Variants in ARHGAP29 observed in about 807,000 individuals in gnomAD.
ARHGAP29 encodes the protein rho GTPase-activating protein 29.
In ARHGAP29, 43 loss-of-function variants were observed where a neutral mutation model predicts 122.6. The observed-to-expected ratio is 0.35, with a 90% CI of 0.27 to 0.45. ARHGAP29 has a LOEUF of 0.45. ARHGAP29 is among the 20% of genes least tolerant of loss of function. ARHGAP29 has a pLI of 1.00. For missense variants in ARHGAP29, 1,303 were observed against 1,477.2 expected, an observed-to-expected ratio of 0.88 and a Z score of 1.93; for synonymous variants, 506 against 497.1, an observed-to-expected ratio of 1.02 and a Z score of -0.24.
At chr1:94,267,302 GT>G (rs938744428) in intron 1 of ARHGAP29, among the ~76,000 whole-genome samples, 2 of 152,182 alleles carry the variant, frequency 1.3e-5, no homozygotes, top group African/African-American at 4.8e-5. Flanking sequence ...GTGGTCTATA[GT>G]TTTGGTTTCC....
chr1:94,179,646 T>A, intron 20 of ARHGAP29, 79 bp downstream of exon 20: 1 of 929,580 alleles, frequency 1.1e-6, no homozygotes, highest in East Asian at 2.7e-5. Flanking sequence ...AATTTTGTTA[T>A]GTGGATTTTA....
chr1:94,226,002 C>T (rs1652589731), intron 2 of ARHGAP29, among the ~76,000 whole-genome samples: 1 of 151,762 alleles, frequency 6.6e-6, no homozygotes, highest in Admixed American at 6.6e-5. Flanking sequence ...TTTTTGTTCT[C>T]ATGCATTAAC....
At chr1:94,289,808 A>T in the ARHGAP29 span, among the ~76,000 whole-genome samples, 1 of 152,202 alleles carries the variant, frequency 6.6e-6, no homozygotes. Context: ...TGATTTGCCT[A>T]TGTTGAACCA....
At chr1:94,307,845 G>C in the ARHGAP29 span, among the ~76,000 whole-genome samples, 1 of 152,052 alleles carries the variant, frequency 6.6e-6, no homozygotes, top group African/African-American at 2.4e-5. Flanking sequence ...CATATAAGAG[G>C]GTAGTTATAA....
chr1:94,204,913 T>A (rs1373564438), intron 7 of ARHGAP29, 148 bp downstream of exon 7: 7 of 757,468 alleles, frequency 9.2e-6, no homozygotes, highest in African/African-American at 1.8e-5. Flanking sequence ...CCATCTAGTG[T>A]AAGAAGAGTC....
intron 1 of ARHGAP29, among the ~76,000 whole-genome samples, chr1:94,264,443 C>A (rs1183354442): frequency 6.6e-6 from 1 of 152,140 alleles, no homozygotes; most frequent in African/African-American, 2.4e-5. Flanking sequence ...TGGAAATGGT[C>A]TTTGGCTCAC....
In ARHGAP29 at chr1:94,189,362, C is replaced by T. The variant is rs772756842; in HGVS notation, c.1440-10G>A. The stretch of plus-strand genomic sequence containing the variant: ...ATGTTTATTTACATTTCTGAAACAA[C>T]AACAATGACAAAAAACAAAACTCAA... On this transcript the variant is annotated splice_polypyrimidine_tract_variant and intron_variant, in intron 13 of 22. Coordinates refer to ENST00000260526, the MANE Select transcript of ARHGAP29 (RefSeq NM_004815.4). 6.3e-7 allele frequency: 1 copy of T among 1,597,256 alleles called. No individual in the cohort carries two copies. The highest frequency in any genetic ancestry group is 8.5e-7 in the Non-Finnish European group (1 of 1,173,770).
At chr1:94,191,154 A>G (rs534192937) in intron 12 of ARHGAP29, 23 of 152,326 alleles carry the variant, frequency 1.5e-4, no homozygotes, top group African/African-American at 5.5e-4. Context: ...AAAAAGAAGT[A>G]GTCATCTGAA....
chr1:94,204,122 A>C, intron 7 of ARHGAP29, 128 bp from the exon 8 acceptor site: 1 of 555,422 alleles, frequency 1.8e-6, no homozygotes. Flanking sequence ...TCAAGATATA[A>C]TACAGCAATA....
chr1:94,231,998 T>C (rs1434003210), intron 1 of ARHGAP29, among the ~76,000 whole-genome samples: 1 of 152,142 alleles, frequency 6.6e-6, no homozygotes. Flanking sequence ...CCAAAATCCA[T>C]GCTCTTAATA....
In ARHGAP29 at chr1:94,172,562, A is replaced by G. The variant is rs1648803858; in HGVS notation, c.*1307T>C. 1 of 151,574 alleles carries G rather than the reference A, an allele frequency of 6.6e-6. No homozygotes were observed. The highest frequency in any genetic ancestry group is 1.5e-5 in the Non-Finnish European group (1 of 67,896). The allele number at this position is 151,574 out of a possible 1,614,324, so 9.4% of individuals were successfully genotyped here. On this transcript the variant is annotated 3_prime_UTR_variant, in exon 23 of 23. Coordinates refer to ENST00000260526, the MANE Select transcript of ARHGAP29 (RefSeq NM_004815.4). The stretch of plus-strand genomic sequence containing the variant: ...TAACCTTAAACTCTCATACTGTAAT[A>G]GGCAACAACTGAAAAGAAGCCACGG...
chr1:94,240,766 C>A (rs962089044), upstream of ARHGAP29, among the ~76,000 whole-genome samples: 3 of 152,134 alleles, frequency 2.0e-5, no homozygotes, highest in Non-Finnish European at 4.4e-5. Context: ...TTCGGTGCAG[C>A]CTTAACTTTT....
At chr1:94,185,105 T>C in intron 17 of ARHGAP29, 45 bp from the exon 18 acceptor site, 1 of 1,541,542 alleles carries the variant, frequency 6.5e-7, no homozygotes, top group Non-Finnish European at 8.8e-7. Context: ...TTAAAACTAT[T>C]CACAACTGGG....
intron 12 of ARHGAP29, among the ~76,000 whole-genome samples, chr1:94,198,268 G>C (rs1650596853): frequency 6.6e-6 from 1 of 152,052 alleles, no homozygotes; most frequent in South Asian, 2.1e-4. Context: ...TTGAGCCCAG[G>C]AATTCAACAC....
At chr1:94,223,627 A>ATG (rs1342675979) in intron 2 of ARHGAP29, among the ~76,000 whole-genome samples, 1 of 152,078 alleles carries the variant, frequency 6.6e-6, no homozygotes, top group Non-Finnish European at 1.5e-5. Flanking sequence ...ATTTACATAT[A>ATG]TATGTATGTA....
intron 14 of ARHGAP29, 43 bp downstream of exon 14, chr1:94,189,173 T>A (rs1206611007): frequency 1.3e-6 from 2 of 1,563,308 alleles, no homozygotes; most frequent in African/African-American, 1.4e-5. Flanking sequence ...TCGAACAACC[T>A]GACCTTTTAT....
At chr1:94,255,595 T>A (rs1432799981) in intron 1 of ARHGAP29, among the ~76,000 whole-genome samples, 1 of 152,202 alleles carries the variant, frequency 6.6e-6, no homozygotes. Flanking sequence ...CGGCATTTCT[T>A]CCTAATATTC....
chr1:94,301,368 C>T, the ARHGAP29 span, among the ~76,000 whole-genome samples: 4 of 152,276 alleles, frequency 2.6e-5, no homozygotes, highest in South Asian at 2.1e-4. Context: ...TGGCTTCAGA[C>T]GTGTCTAGAT....
At chr1:94,222,948 A>ATTTT (rs11370745) in intron 2 of ARHGAP29, among the ~76,000 whole-genome samples, 1 of 148,494 alleles carries the variant, frequency 6.7e-6, no homozygotes, top group Non-Finnish European at 1.5e-5. Context: ...CATAAACATA[A>ATTTT]TTTTTTTTTT....
Sources: gnomAD v4.1 joint callset for allele counts (sites outside exome capture counted in the v4.1 genomes callset) on GRCh38, gnomAD v4.1.1 for gene constraint, MANE v1.5 for transcripts, NCBI Gene and HGNC (gene_info 2026-07-23, HGNC 2026-07-21) for gene names.